Variants in CIB4 observed in about 807,000 individuals in gnomAD.
The protein encoded by CIB4 is calcium and integrin-binding family member 4.
In CIB4, 25 loss-of-function variants were observed where a neutral mutation model predicts 25.8. The observed-to-expected ratio is 0.97, with a 90% CI of 0.71 to 1.35. The LOEUF is 1.35. Ranked by LOEUF, CIB4 falls within the 40% of genes most tolerant of loss-of-function variation. The probability of loss-of-function intolerance (pLI) is 0.00; values close to 1 mark genes in which losing one functional copy is unlikely to be tolerated. For missense variants in CIB4, 235 were observed against 228.2 expected (o/e 1.03, Z -0.19); for synonymous variants, 75 against 81.4 (o/e 0.92, Z 0.42).
chr2:26,613,890 A>C (rs1365246004), intron 3 of CIB4, among the ~76,000 whole-genome samples: 1 of 152,178 alleles, frequency 6.6e-6, no homozygotes, highest in Non-Finnish European at 1.5e-5. Context: ...GTGTCCCCGC[A>C]TCTCAGCTGT....
At chr2:26,595,098 A>C in intron 4 of CIB4, 78 bp downstream of exon 4, 2 of 1,378,636 alleles carry the variant, frequency 1.5e-6, no homozygotes, top group Non-Finnish European at 2.0e-6. Context: ...CCATCAATGA[A>C]CTGATGATGG....
intron 2 of CIB4, among the ~76,000 whole-genome samples, chr2:26,638,891 G>A (rs1338948866): frequency 2.0e-5 from 3 of 151,918 alleles, no homozygotes; most frequent in Non-Finnish European, 4.4e-5. Context: ...GGCACAGGTT[G>A]CAGTGAGCCA....
At chr2:26,624,437 C>T (rs1217239202) in intron 3 of CIB4, among the ~76,000 whole-genome samples, 1 of 152,184 alleles carries the variant, frequency 6.6e-6, no homozygotes, top group Non-Finnish European at 1.5e-5. Flanking sequence ...CGCTCTAGGT[C>T]TCCAAAAGCT....
At chr2:26,597,138 C>T (rs1668696563) in intron 3 of CIB4, among the ~76,000 whole-genome samples, 1 of 152,114 alleles carries the variant, frequency 6.6e-6, no homozygotes, top group Non-Finnish European at 1.5e-5. Flanking sequence ...TATAGAAATG[C>T]TTATATTACA....
At chr2:26,631,032 C>T (rs921114563) in intron 2 of CIB4, among the ~76,000 whole-genome samples, 1 of 152,116 alleles carries the variant, frequency 6.6e-6, no homozygotes, top group Non-Finnish European at 1.5e-5. Context: ...TCCTGTCTTC[C>T]ATCAAACCTC....
At chr2:26,609,162 A>C (rs554216625) in intron 3 of CIB4, among the ~76,000 whole-genome samples, 2 of 152,216 alleles carry the variant, frequency 1.3e-5, no homozygotes, top group Non-Finnish European at 2.9e-5. Flanking sequence ...ACACTAAAAC[A>C]ACTGGTGTGG....
intron 2 of CIB4, among the ~76,000 whole-genome samples, chr2:26,632,104 G>C (rs1669430586): frequency 6.6e-6 from 1 of 152,204 alleles, no homozygotes; most frequent in African/African-American, 2.4e-5. Context: ...GAGACCCAAG[G>C]CAAACTGCCG....
intron 4 of CIB4, among the ~76,000 whole-genome samples, chr2:26,586,159 G>A (rs771946424): frequency 8.3e-4 from 126 of 152,116 alleles, no homozygotes; most frequent in Non-Finnish European, 1.6e-3. Flanking sequence ...ACAGCAGCCC[G>A]GGTGATCTGT....
At chr2:26,584,929 T>C (rs551058686) in intron 4 of CIB4, among the ~76,000 whole-genome samples, 289 of 152,272 alleles carry the variant, frequency 1.9e-3, no homozygotes, top group Non-Finnish European at 3.1e-3. Flanking sequence ...GGCCCCTGCC[T>C]TCCAGGACAG....
intron 3 of CIB4, among the ~76,000 whole-genome samples, chr2:26,616,101 C>T (rs866485372): frequency 1.4e-4 from 21 of 152,140 alleles, no homozygotes; most frequent in Admixed American, 7.9e-4. Context: ...TGGGCCTCTG[C>T]GGCCCAGCTG....
intron 2 of CIB4, among the ~76,000 whole-genome samples, chr2:26,630,748 A>G (rs1669401456): frequency 6.6e-6 from 1 of 152,090 alleles, no homozygotes; most frequent in South Asian, 2.1e-4. Context: ...GTGAGGATTA[A>G]ATGAGGGGAG....
chr2:26,638,271 A>C (rs1474485741), intron 2 of CIB4, among the ~76,000 whole-genome samples: 1 of 152,220 alleles, frequency 6.6e-6, no homozygotes, highest in Admixed American at 6.5e-5. Flanking sequence ...TCTCCGGGGA[A>C]AGGCACCTTC....
intron 3 of CIB4, among the ~76,000 whole-genome samples, chr2:26,617,823 C>G (rs952250954): frequency 6.6e-6 from 1 of 152,136 alleles, no homozygotes; most frequent in Non-Finnish European, 1.5e-5. Context: ...GCCCTGAGTT[C>G]GTGACAGCCA....
intron 4 of CIB4, among the ~76,000 whole-genome samples, chr2:26,586,064 C>A (rs1046118742): frequency 6.6e-5 from 10 of 152,216 alleles, no homozygotes; most frequent in Non-Finnish European, 1.5e-4. Context: ...CTAGCCCAGC[C>A]ACCGTTGCCT....
intron 4 of CIB4, 150 bp downstream of exon 4, chr2:26,595,026 A>G (rs1380664778): frequency 1.4e-5 from 10 of 691,156 alleles, no homozygotes; most frequent in Non-Finnish European, 1.4e-5. Flanking sequence ...TTTTTATTCC[A>G]TGGTACATGC....
intron 4 of CIB4, among the ~76,000 whole-genome samples, chr2:26,586,225 G>A (rs7583004): frequency 0.17 from 25,732 of 151,994 alleles, 3,227 homozygotes; most frequent in African/African-American, 0.35. Flanking sequence ...CACCCAGAGC[G>A]GAGCCCAAGT....
At chr2:26,593,317 T>C (rs1668619054) in intron 4 of CIB4, among the ~76,000 whole-genome samples, 1 of 152,036 alleles carries the variant, frequency 6.6e-6, no homozygotes, top group African/African-American at 2.4e-5. Context: ...TGTGTGTGTG[T>C]GTGTGTATAT....
At chr2:26,584,152 A>C (rs1009011292) in intron 4 of CIB4, among the ~76,000 whole-genome samples, 1 of 152,188 alleles carries the variant, frequency 6.6e-6, no homozygotes, top group Non-Finnish European at 1.5e-5. Context: ...GCTTTAAGTC[A>C]TTGAATCTTC....
rs116711327 is a variant in CIB4 at position 26,594,331 on chromosome 2, C to T, written c.328+845G>A. On this transcript the variant is annotated intron_variant, in intron 4 of 6. Transcript: ENST00000288861. The stretch of plus-strand genomic sequence containing the variant: ...CATATGAGATAAAAAATATTAAGTC[C>T]TTTTTACAGATGAAAAAACTGAGGC... Among the ~76,000 whole-genome samples, 467 of 152,270 alleles carry T rather than the reference C, an allele frequency of 3.1e-3. 3 individuals are homozygous for T. The highest frequency in any genetic ancestry group is 0.011 in the African/African-American group (452 of 41,558).
Sources: gnomAD v4.1 joint callset for allele counts (sites outside exome capture counted in the v4.1 genomes callset) on GRCh38, gnomAD v4.1.1 for gene constraint, MANE v1.5 for transcripts, NCBI Gene and HGNC (gene_info 2026-07-23, HGNC 2026-07-21) for gene names.